The following SMC3 variants were observed in gnomAD, a reference collection of about 807,000 sequenced individuals.
SMC3 encodes the protein structural maintenance of chromosomes protein 3.
SMC3 carries 20 observed loss-of-function variants against 171.8 expected under a neutral mutation model. That is an observed-to-expected ratio of 0.12 (90% confidence interval 0.08 to 0.17). The LOEUF (loss-of-function observed/expected upper bound fraction) is 0.17, where lower values mean the gene tolerates loss of function less well. Among genes scored for constraint, SMC3 ranks in the 10% least tolerant of loss-of-function variants. The pLI is 1.00. For missense variants in SMC3, 543 were observed against 1,420.4 expected (o/e 0.38, Z 9.93); for synonymous variants, 464 against 451.1 (o/e 1.03, Z -0.36).
chr10:110,593,408 T>C (rs1861238813), intron 18 of SMC3, among the ~76,000 whole-genome samples, 185 bp downstream of exon 18: 1 of 151,968 alleles, frequency 6.6e-6, no homozygotes, highest in African/African-American at 2.4e-5. Flanking sequence ...CCTGTCTCCA[T>C]TAAAAATACA....
intron 2 of SMC3, among the ~76,000 whole-genome samples, chr10:110,569,326 C>T (rs907603784): frequency 1.3e-5 from 2 of 152,036 alleles, no homozygotes; most frequent in Non-Finnish European, 2.9e-5. Context: ...CTGACTGTTG[C>T]CTTATTTCAG....
Position 110,590,658 on chromosome 10 carries a change from T to A in SMC3, c.1670+86T>A, listed in dbSNP as rs1590561994. 6.3e-6 allele frequency: 7 copies of A among 1,111,270 alleles called. No homozygotes were observed. The East Asian group carries it at 1.7e-4, about 27-fold the overall frequency. 68.8% of individuals were successfully genotyped at this position (1,111,270 alleles called of 1,614,324 possible). A position where few individuals can be genotyped will look rare whatever the true frequency, so the allele number is the denominator to read the frequency against. On this transcript the variant is annotated intron_variant, in intron 16 of 28. Transcript: ENST00000361804. ...ACTTTTGTAGTTTTTGTACAACATA[T>A]CTTCCATTATCTTTTTATATCTCGG... is the stretch of plus-strand genomic sequence containing the variant.
At chr10:110,587,530 TA>T (rs1175765819) in intron 13 of SMC3, among the ~76,000 whole-genome samples, 4 of 151,662 alleles carry the variant, frequency 2.6e-5, no homozygotes, top group African/African-American at 9.7e-5. Flanking sequence ...CTAAAAAATA[TA>T]AAAAATTAGC....
At chr10:110,586,100 A>G (rs1214560720) in intron 13 of SMC3, among the ~76,000 whole-genome samples, 4 of 152,078 alleles carry the variant, frequency 2.6e-5, no homozygotes, top group Non-Finnish European at 4.4e-5. Flanking sequence ...CTGGCCCCTA[A>G]TCTGTTATAG....
intron 2 of SMC3, among the ~76,000 whole-genome samples, chr10:110,570,858 A>G (rs913565372): frequency 2.0e-5 from 3 of 152,248 alleles, no homozygotes; most frequent in African/African-American, 7.2e-5. Flanking sequence ...CTGATTAAAC[A>G]TATTTTAAAA....
intron 22 of SMC3, 94 bp downstream of exon 22, chr10:110,600,640 G>C: frequency 1.3e-6 from 1 of 751,840 alleles, no homozygotes; most frequent in East Asian, 2.5e-5. Context: ...TGAAAGCATG[G>C]GCTTTGGGGA....
At chr10:110,590,368 TTGA>T (rs1861187323) in intron 15 of SMC3, 41 bp from the exon 16 acceptor site, 20 of 1,511,964 alleles carry the variant, frequency 1.3e-5, no homozygotes, top group Non-Finnish European at 1.8e-5. Flanking sequence ...AGGAGTGCCA[TTGA>T]TGATATTATT....
intron 26 of SMC3, 33 bp downstream of exon 26, chr10:110,602,698 G>A (rs777211123): frequency 3.1e-6 from 5 of 1,589,206 alleles, no homozygotes; most frequent in South Asian, 1.1e-5. Flanking sequence ...TTTCCTCAGA[G>A]CATTACCATA....
intron 7 of SMC3, 109 bp downstream of exon 7, chr10:110,578,815 T>C: frequency 1.3e-6 from 1 of 781,372 alleles, no homozygotes; most frequent in South Asian, 1.5e-5. Context: ...AAAATGGCCA[T>C]ATTCTTTTAC....
intron 2 of SMC3, among the ~76,000 whole-genome samples, chr10:110,571,167 T>A (rs1328382605): frequency 6.6e-6 from 1 of 152,214 alleles, no homozygotes; most frequent in Non-Finnish European, 1.5e-5. Flanking sequence ...TCTTTGTTTT[T>A]TACTGCACAC....
At chr10:110,577,941 A>G in intron 6 of SMC3, 27 bp downstream of exon 6, 1 of 1,473,872 alleles carries the variant, frequency 6.8e-7, no homozygotes, top group Non-Finnish European at 9.5e-7. Flanking sequence ...TTTTTAAAAA[A>G]ACTGAATATG....
chr10:110,578,417 C>T (rs1860987471), intron 6 of SMC3, among the ~76,000 whole-genome samples: 1 of 152,160 alleles, frequency 6.6e-6, no homozygotes, highest in Admixed American at 6.5e-5. Context: ...TATTCTTTTA[C>T]CTGCTTCATA....
rs573490878 is a variant in SMC3, at chr10:110,586,750, T to C, written c.1305+2354T>C. ...TTGGCTCACTGCAACTTCTGCCTCC[T>C]GGGTTCAAGCGATTCTCCTACCTCA... is the stretch of plus-strand genomic sequence containing the variant. On this transcript the variant is annotated intron_variant, in intron 13 of 28. Coordinates refer to ENST00000361804, the MANE Select transcript of SMC3 (RefSeq NM_005445.4). 8.5e-5 allele frequency among the ~76,000 whole-genome samples: 13 copies of C among 152,236 alleles called. No homozygotes were observed. In the East Asian group the frequency reaches 2.3e-3, roughly 27 times the overall value.
At position 110,578,613 on chromosome 10, in the gene SMC3, ATTGT is replaced by A. The variant is rs1564789117; in HGVS notation, c.351-10_351-7del. 2 of 1,592,158 alleles carry A rather than the reference ATTGT, an allele frequency of 1.3e-6. No homozygotes were observed. The highest frequency in any genetic ancestry group is 1.3e-5 in the African/African-American group (1 of 74,620). ...AAATTATTTATCGGAAAGTAATTTCATTGTTTGTCAACAGGAAAAATGATGTGAT... is the reference window on the plus strand; with the variant it reads ...AAATTATTTATCGGAAAGTAATTTCATTGTCAACAGGAAAAATGATGTGAT... On this transcript the variant is annotated splice_polypyrimidine_tract_variant and intron_variant, in intron 6 of 28. Transcript: ENST00000361804.
At chr10:110,601,337 A>G (rs1042786837) in intron 23 of SMC3, among the ~76,000 whole-genome samples, 6 of 152,232 alleles carry the variant, frequency 3.9e-5, no homozygotes, top group African/African-American at 1.4e-4. Flanking sequence ...TTGAGACCAT[A>G]AATGATTCAT....
At chr10:110,581,211 A>G (rs1040202068) in intron 8 of SMC3, among the ~76,000 whole-genome samples, 190 bp downstream of exon 8, 2 of 124,054 alleles carry the variant, frequency 1.6e-5, no homozygotes, top group Non-Finnish European at 3.2e-5. Context: ...GGAAACGCAC[A>G]CTGACTTTTT....
chr10:110,592,548 T>A (rs1364032952), intron 17 of SMC3, among the ~76,000 whole-genome samples: 1 of 152,178 alleles, frequency 6.6e-6, no homozygotes, highest in Non-Finnish European at 1.5e-5. Context: ...GAAATGAAAT[T>A]TTATCTGACA....
chr10:110,582,171 A>G, intron 9 of SMC3, 73 bp downstream of exon 9: 1 of 1,262,388 alleles, frequency 7.9e-7, no homozygotes, highest in Non-Finnish European at 1.2e-6. Flanking sequence ...TCAGGCCATA[A>G]TTACACTTTT....
At chr10:110,587,700 AAAAAAAG>A (rs1297471257) in intron 13 of SMC3, among the ~76,000 whole-genome samples, 22 of 152,142 alleles carry the variant, frequency 1.4e-4, no homozygotes, top group African/African-American at 5.1e-4. Context: ...AAAAAAAAAA[AAAAAAAG>A]AAATATTGTA....
Sources: allele counts gnomAD v4.1 joint callset (sites outside exome capture counted in the v4.1 genomes callset), GRCh38; gene constraint gnomAD v4.1.1; transcripts MANE v1.5; gene names NCBI Gene and HGNC (gene_info 2026-07-23, HGNC 2026-07-21).